PSMD5: variants seen among roughly 807,000 people sequenced by gnomAD.
PSMD5 encodes 26S proteasome non-ATPase regulatory subunit 5.
Under a neutral mutation model 52.1 loss-of-function variants are expected in PSMD5, and 40 were observed. The ratio of observed to expected loss-of-function variants is 0.77; its 90% confidence interval spans 0.60 to 1.00. The LOEUF (loss-of-function observed/expected upper bound fraction) is 1.00. PSMD5 is among the 50% of genes least tolerant of loss of function. The probability of loss-of-function intolerance (pLI) is 0.00; values close to 1 mark genes in which losing one functional copy is unlikely to be tolerated. For synonymous variants in PSMD5, 211 were observed against 226.6 expected, an observed-to-expected ratio of 0.93 and a Z score of 0.62; for missense variants, 575 against 605.2, an observed-to-expected ratio of 0.95 and a Z score of 0.52.
chr9:120,842,479 T>C (rs2045246891), intron 1 of PSMD5: 1 of 542,014 alleles, frequency 1.8e-6, no homozygotes, highest in Non-Finnish European at 3.3e-6. Flanking sequence ...TAATTTCTAT[T>C]TGATGAAGAA....
rs759143576 is a variant in PSMD5, at chr9:120,842,896, G to T, written c.14C>A (p.Ala5Asp). Residue 5 changes from alanine (A) to aspartate (D), a missense_variant, in exon 1 of 10, where the codon GCT (alanine) becomes GAT (aspartate). Coordinates refer to ENST00000210313, the MANE Select transcript of PSMD5 (RefSeq NM_005047.4). Reference sequence around the variant, plus strand: ...CGCTACCTCTCTCAGCAGCGCCAAAGCCTGGGCTGCCATCTTGCCCCCCGA... The same window carrying T: ...CGCTACCTCTCTCAGCAGCGCCAAATCCTGGGCTGCCATCTTGCCCCCCGA... MAAQ[A>D]LALLREVARL... 5.0e-6 allele frequency: 8 copies of T among 1,589,084 alleles called. No individual in the cohort carries two copies. In the Admixed American group the frequency reaches 1.0e-4, roughly 20 times the overall value.
At position 120,818,018 on chromosome 9, in the gene PSMD5, G is replaced by T. The variant is rs1217652564; in HGVS notation, c.1403C>A (p.Thr468Lys). 1 of 1,614,194 alleles carries T rather than the reference G, an allele frequency of 6.2e-7. No individual in the cohort carries two copies. Among genetic ancestry groups the T allele is most frequent in the Admixed American group, 1.7e-5 (1 of 60,012 alleles). The change falls in exon 10 of 10, where the codon ACA becomes AAA. Residue 468 changes from threonine to lysine, a missense_variant. Coordinates refer to ENST00000210313, the MANE Select transcript of PSMD5 (RefSeq NM_005047.4). ...ELVKALANSKTIAEIFGNPNY... is the reference protein window; with the variant it reads ...ELVKALANSKKIAEIFGNPNY... ...TGGGTTCCCAAAGATTTCTGCAATT[G>T]TCTTGGAATTGGCAAGTGCTTTCAC... is the stretch of plus-strand genomic sequence containing the variant.
chr9:120,840,251 G>C (rs889163256), intron 1 of PSMD5, among the ~76,000 whole-genome samples: 1 of 147,926 alleles, frequency 6.8e-6, no homozygotes, highest in South Asian at 2.2e-4. Context: ...AGCCCTCTAA[G>C]TAGCTGGGAC....
At chr9:120,828,117 C>T (rs908490502) in intron 5 of PSMD5, among the ~76,000 whole-genome samples, 1 of 152,170 alleles carries the variant, frequency 6.6e-6, no homozygotes, top group Non-Finnish European at 1.5e-5. Flanking sequence ...TTGTCTCAGC[C>T]TTCCCAGTAG....
chr9:120,826,777 A>C lies in PSMD5; in HGVS notation c.802T>G (p.Phe268Val), dbSNP rs1588068485. The C allele has an allele frequency of 1.2e-6, 2 of 1,613,692 alleles. No individual in the cohort carries two copies. The highest frequency in any genetic ancestry group is 4.5e-5 in the East Asian group (2 of 44,878). Residue 268 changes from phenylalanine to valine, a missense_variant, in exon 6 of 10, where the codon TTC (phenylalanine) becomes GTC (valine). By Grantham distance (50) the Phe-to-Val change is conservative. Transcript: ENST00000210313. ...CAGTGTTCCTTACCTGGCAGATAGA[A>C]GCTAGAGAAAGGGTCTGAATCTGCC... The part of the protein sequence containing the change: ...VGADSDPFSS[F>V]YLPGFVKFFG...
intron 7 of PSMD5, among the ~76,000 whole-genome samples, chr9:120,821,880 ATG>A (rs1361986997): frequency 6.6e-6 from 1 of 152,224 alleles, no homozygotes; most frequent in African/African-American, 2.4e-5. Context: ...ATTCAATTGT[ATG>A]TATATACCAC....
chr9:120,822,727 A>G (rs1274438578), intron 7 of PSMD5, among the ~76,000 whole-genome samples: 1 of 151,872 alleles, frequency 6.6e-6, no homozygotes, highest in Non-Finnish European at 1.5e-5. Flanking sequence ...AGTAGAGACC[A>G]TGTTGGCCAG....
chr9:120,842,640 T>C, intron 1 of PSMD5, 97 bp downstream of exon 1: 3 of 1,460,750 alleles, frequency 2.1e-6, no homozygotes, highest in South Asian at 1.2e-5. Context: ...CCACCTCCCC[T>C]GTGACTGGGA....
At chr9:120,831,617 A>G (rs2045160760) in intron 3 of PSMD5, 158 bp from the exon 4 acceptor site, 1 of 1,100,178 alleles carries the variant, frequency 9.1e-7, no homozygotes, top group Admixed American at 2.9e-5. Context: ...TAGAATTATG[A>G]TGGATACTGT....
chr9:120,819,770 T>A (rs796509801), intron 9 of PSMD5, among the ~76,000 whole-genome samples: 16 of 151,966 alleles, frequency 1.1e-4, no homozygotes, highest in African/African-American at 3.6e-4. Flanking sequence ...CGGGAGGTGG[T>A]GCTTGCAGTG....
At chr9:120,821,111 A>C in intron 8 of PSMD5, 132 bp from the exon 9 acceptor site, 1 of 1,112,494 alleles carries the variant, frequency 9.0e-7, no homozygotes, top group South Asian at 1.8e-5. Context: ...CTAAGTCTGG[A>C]GGACTCTTTC....
chr9:120,834,042 C>T (rs1452470793), intron 1 of PSMD5, among the ~76,000 whole-genome samples: 1 of 134,880 alleles, frequency 7.4e-6, no homozygotes, highest in East Asian at 2.3e-4. Context: ...TACAGTGGCA[C>T]GATCTCTGCT....
intron 3 of PSMD5, 45 bp downstream of exon 3, chr9:120,831,787 A>G: frequency 6.3e-7 from 1 of 1,577,290 alleles, no homozygotes. Flanking sequence ...CTTTTGGGAC[A>G]CCGATGTCTC....
intron 7 of PSMD5, among the ~76,000 whole-genome samples, chr9:120,822,324 C>T (rs978853454): frequency 1.3e-5 from 2 of 152,048 alleles, no homozygotes; most frequent in Admixed American, 1.3e-4. Flanking sequence ...AATCAAAGGA[C>T]CTGGACTTGA....
chr9:120,840,216 C>G (rs1349674044), intron 1 of PSMD5, among the ~76,000 whole-genome samples: 1 of 148,022 alleles, frequency 6.8e-6, no homozygotes, highest in African/African-American at 2.5e-5. Context: ...CCTCTGCCTC[C>G]TGGGCTCAAG....
At position 120,824,563 on chromosome 9, in the gene PSMD5, C is replaced by A. The variant is rs956347132; in HGVS notation, c.937G>T (p.Gly313Cys). ...ATTCCAACTGTGTCTACAGCTACACCAATCATAGTGGGGTCCTGACTTTCT... is the reference window on the plus strand; with the variant it reads ...ATTCCAACTGTGTCTACAGCTACACAAATCATAGTGGGGTCCTGACTTTCT... Reference protein sequence around the residue: ...MIESQDPTMIGVAVDTVGILG... With the variant: ...MIESQDPTMICVAVDTVGILG... Residue 313 changes from glycine to cysteine, a missense_variant, in exon 7 of 10, where the codon GGT becomes TGT. Physicochemically the swap from Gly to Cys is radical, Grantham distance 159. Coordinates refer to ENST00000210313, the MANE Select transcript of PSMD5 (RefSeq NM_005047.4). 1.4e-5 allele frequency: 22 copies of A among 1,614,162 alleles called. No homozygotes were observed. The highest frequency in any genetic ancestry group is 1.9e-5 in the Non-Finnish European group (22 of 1,180,028).
At chr9:120,820,363 A>G (rs1207457326) in intron 9 of PSMD5, among the ~76,000 whole-genome samples, 1 of 152,224 alleles carries the variant, frequency 6.6e-6, no homozygotes, top group Non-Finnish European at 1.5e-5. Context: ...CAACCTTGTC[A>G]ATCTGGGCAA....
At chr9:120,824,418 C>T (rs1340381261) in intron 7 of PSMD5, 76 bp downstream of exon 7, 5 of 1,434,504 alleles carry the variant, frequency 3.5e-6, no homozygotes, top group East Asian at 2.3e-5. Flanking sequence ...GTAGTTAACC[C>T]ACCAGCAAAT....
chr9:120,818,099 A>G lies in PSMD5; in HGVS notation c.1322T>C (p.Val441Ala), dbSNP rs1206294635. The part of the protein sequence containing the change: ...MFNSPGFVEY[V>A]VDRSVEHDKA... The stretch of plus-strand genomic sequence containing the variant: ...GTCATGCTCCACAGACCGGTCCACC[A>G]CATATTCTACAAAACCTGGACTGTT... The change falls in exon 10 of 10, where the codon GTG becomes GCG. Residue 441 changes from valine to alanine, a missense_variant. By Grantham distance (64) the Val-to-Ala change is moderately conservative. Coordinates refer to ENST00000210313, the MANE Select transcript of PSMD5 (RefSeq NM_005047.4). 8 of 1,614,096 alleles carry G rather than the reference A, an allele frequency of 5.0e-6. No individual in the cohort carries two copies. The highest frequency in any genetic ancestry group is 6.8e-6 in the Non-Finnish European group (8 of 1,180,036).
Sources: gnomAD v4.1 joint callset for allele counts (sites outside exome capture counted in the v4.1 genomes callset) on GRCh38, gnomAD v4.1.1 for gene constraint, MANE v1.5 for transcripts, NCBI Gene and HGNC (gene_info 2026-07-23, HGNC 2026-07-21) for gene names.